The following MAP2K3 variants were observed in gnomAD, a reference collection of about 807,000 sequenced individuals.
MAP2K3 encodes mitogen-activated protein kinase kinase 3.
MAP2K3 carries 30 observed loss-of-function variants against 46.4 expected under a neutral mutation model. The observed-to-expected ratio is 0.65, with a 90% CI of 0.48 to 0.88. The LOEUF is 0.88. Ranked by LOEUF, MAP2K3 falls within the 40% of genes least tolerant of loss-of-function variation. MAP2K3 has a pLI of 0.00. For missense variants in MAP2K3, 380 were observed against 464.5 expected (o/e 0.82, Z 1.67); for synonymous variants, 189 against 176.3 (o/e 1.07, Z -0.57).
intron 1 of MAP2K3, among the ~76,000 whole-genome samples, chr17:21,294,142 T>C (rs1976105664): frequency 6.6e-6 from 1 of 152,312 alleles, no homozygotes; most frequent in Admixed American, 6.5e-5. Context: ...ATGGAGCGCA[T>C]TGGCCTTGTT....
At chr17:21,291,733 C>T in intron 1 of MAP2K3, 1 of 375,580 alleles carries the variant, frequency 2.7e-6, no homozygotes, top group South Asian at 2.0e-5. Flanking sequence ...GTTTGGTCTT[C>T]ACGGCTACCC....
At chr17:21,290,529 G>A (rs1416999324) in intron 1 of MAP2K3, among the ~76,000 whole-genome samples, 15 of 152,298 alleles carry the variant, frequency 9.8e-5, no homozygotes, top group Admixed American at 3.9e-4. Flanking sequence ...TCTCAGGGCT[G>A]CTGTTGAGGG....
chr17:21,300,730 C>T, intron 4 of MAP2K3, 72 bp downstream of exon 4: 10 of 1,598,292 alleles, frequency 6.3e-6, no homozygotes, highest in Non-Finnish European at 5.1e-6. Context: ...TGGGGCCCTG[C>T]CTATCCCTCT....
chr17:21,293,337 C>T (rs796917577), intron 1 of MAP2K3, among the ~76,000 whole-genome samples: 8 of 152,424 alleles, frequency 5.2e-5, no homozygotes, highest in Admixed American at 1.3e-4. Flanking sequence ...CAGCGAGGCC[C>T]GTGCCTCTGG....
At position 21,315,168 on chromosome 17, in the gene MAP2K3, C is replaced by T. The variant is rs1977345216; in HGVS notation, c.*938C>T. ...GAAAAAACGACTGCCCATCCCGGGT[C>T]CTTTCCCTGATGGGTTGGGGCAGTT... On this transcript the variant is annotated 3_prime_UTR_variant, in exon 12 of 12. Coordinates refer to ENST00000342679, the MANE Select transcript of MAP2K3 (RefSeq NM_145109.3). The T allele has an allele frequency of 6.6e-6, 1 of 150,428 alleles. No individual in the cohort carries two copies. The highest frequency in any genetic ancestry group is 1.5e-5 in the Non-Finnish European group (1 of 67,822). The allele number at this position is 150,428 out of a possible 1,614,324, so 9.3% of individuals were successfully genotyped here.
intron 1 of MAP2K3, chr17:21,296,030 T>C: frequency 7.8e-7 from 1 of 1,286,116 alleles, no homozygotes; most frequent in African/African-American, 1.5e-5. Context: ...ACATCAGGAA[T>C]AAAAGCTACC....
intron 7 of MAP2K3, among the ~76,000 whole-genome samples, chr17:21,303,684 A>G (rs974394631): frequency 9.8e-5 from 15 of 152,294 alleles, no homozygotes; most frequent in African/African-American, 2.9e-4. Context: ...CCCTTTCTGG[A>G]ACATCAGCCT....
intron 1 of MAP2K3, among the ~76,000 whole-genome samples, chr17:21,292,333 T>C (rs1308682874): frequency 6.6e-6 from 1 of 152,312 alleles, no homozygotes; most frequent in African/African-American, 2.4e-5. Flanking sequence ...AGGCAGTCTC[T>C]TGTTTCTCCT....
intron 5 of MAP2K3, 76 bp from the exon 6 acceptor site, chr17:21,302,049 GGCTGGGGCTGGGGCTGGT>G: frequency 7.8e-7 from 1 of 1,285,582 alleles, no homozygotes; most frequent in East Asian, 2.3e-5. Flanking sequence ...TCGGAGAGGG[GGCTGGGGCTGGGGCTGGT>G]GCTGGGGCAG....
Position 21,305,177 on chromosome 17 carries a change from G to C in MAP2K3, c.774+49G>C, listed in dbSNP as rs371913553. On this transcript the variant is annotated intron_variant, in intron 9 of 11. Coordinates refer to ENST00000342679, the MANE Select transcript of MAP2K3 (RefSeq NM_145109.3). ...CCCTTGGTGGTCAGGTGGGGTGGGTGGAGCCGTGCCTGGGGCCCTGAGCTT... is the reference window on the plus strand; with the variant it reads ...CCCTTGGTGGTCAGGTGGGGTGGGTCGAGCCGTGCCTGGGGCCCTGAGCTT... The C allele has an allele frequency of 4.8e-5, 78 of 1,612,956 alleles. No individual in the cohort carries two copies. The African/African-American group carries it at 1.0e-3, about 21-fold the overall frequency.
intron 7 of MAP2K3, 99 bp downstream of exon 7, chr17:21,303,333 A>T: frequency 6.5e-7 from 1 of 1,533,736 alleles, no homozygotes. Flanking sequence ...TGGCTCCGAG[A>T]GGTGATAGGT....
rs778448916 is a variant in MAP2K3, at chr17:21,284,885, A to G, written c.-36A>G. 6.2e-7 allele frequency: 1 copy of G among 1,610,116 alleles called. No homozygotes were observed. The highest frequency in any genetic ancestry group is 1.1e-5 in the South Asian group (1 of 90,594). ...CCCGGTGGAGCCCGCAGTCCTCTAG[A>G]TTAGTCTCCACCGCCGTCCAGGACC... On this transcript the variant is annotated 5_prime_UTR_variant, in exon 1 of 12. Transcript: ENST00000342679.
At chr17:21,307,838 C>T (rs1161890605) in intron 9 of MAP2K3, among the ~76,000 whole-genome samples, 19 of 142,654 alleles carry the variant, frequency 1.3e-4, no homozygotes, top group Non-Finnish European at 1.8e-4. Context: ...CCACCATGCC[C>T]GGCTATCTTT....
chr17:21,294,205 G>A (rs1280390679), intron 1 of MAP2K3, among the ~76,000 whole-genome samples: 3 of 24,230 alleles, frequency 1.2e-4, no homozygotes, highest in African/African-American at 4.5e-4. Flanking sequence ...GCAGGGCGGC[G>A]CCTCTTGCTG....
At chr17:21,286,192 G>A (rs1360427648) in intron 1 of MAP2K3, among the ~76,000 whole-genome samples, 2 of 152,234 alleles carry the variant, frequency 1.3e-5, no homozygotes, top group African/African-American at 4.8e-5. Flanking sequence ...ACCTGGCGCA[G>A]AGCCGGTGCT....
chr17:21,302,078 G>A lies in MAP2K3; in HGVS notation c.400-65G>A, dbSNP rs1240603116. The stretch of plus-strand genomic sequence containing the variant: ...GGGGCTGGGGCTGGTGCTGGGGCAG[G>A]CAGTGCAGGTGGTGCAGACACGGGC... On this transcript the variant is annotated intron_variant, in intron 5 of 11. Coordinates refer to ENST00000342679, the MANE Select transcript of MAP2K3 (RefSeq NM_145109.3). 4 of 1,496,826 alleles carry A rather than the reference G, an allele frequency of 2.7e-6. No homozygotes were observed. In the African/African-American group the frequency reaches 4.1e-5, roughly 15 times the overall value. 92.7% of individuals were successfully genotyped at this position (1,496,826 alleles called of 1,614,324 possible).
rs764771409 is a variant in MAP2K3, at chr17:21,298,933, G to T, written c.165+7G>T. On this transcript the variant is annotated splice_region_variant and intron_variant, in intron 3 of 11. Coordinates refer to ENST00000342679, the MANE Select transcript of MAP2K3 (RefSeq NM_145109.3). ...CATCACCATTGGAGACAGAGTAGGT[G>T]CCAGCCGCCACCCCTGCAGGGCCTC... is the stretch of plus-strand genomic sequence containing the variant. 1 of 1,614,136 alleles carries T rather than the reference G, an allele frequency of 6.2e-7. No homozygotes were observed. The highest frequency in any genetic ancestry group is 1.1e-5 in the South Asian group (1 of 91,096).
chr17:21,314,111 C>T (rs759097273), intron 11 of MAP2K3, 36 bp from the exon 12 acceptor site: 1 of 1,540,236 alleles, frequency 6.5e-7, no homozygotes, highest in Non-Finnish European at 9.0e-7. Context: ...CCTCCCGCTA[C>T]CCCTCCATGG....
At chr17:21,295,501 C>A (rs1371981337) in intron 1 of MAP2K3, 26 of 918,182 alleles carry the variant, frequency 2.8e-5, no homozygotes, top group South Asian at 5.0e-5. Context: ...ACAACGGCTG[C>A]ACCTGGGCAG....
Sources: allele counts gnomAD v4.1 joint callset (sites outside exome capture counted in the v4.1 genomes callset), GRCh38; gene constraint gnomAD v4.1.1; transcripts MANE v1.5; gene names NCBI Gene and HGNC (gene_info 2026-07-23, HGNC 2026-07-21).